The following LIN28B variants were observed in gnomAD, a reference collection of about 807,000 sequenced individuals.
The protein encoded by LIN28B is lin-28 RNA binding posttranscriptional regulator B.
In LIN28B, 5 loss-of-function variants were observed where a neutral mutation model predicts 21.9. That is an observed-to-expected ratio of 0.23 (90% CI 0.12 to 0.48). The LOEUF is 0.48. Ranked by LOEUF, LIN28B falls within the 20% of genes least tolerant of loss-of-function variation. The pLI is 0.98. For missense variants in LIN28B, 245 were observed against 310.5 expected (o/e 0.79, Z 1.58); for synonymous variants, 109 against 111.3 (o/e 0.98, Z 0.13).
chr6:105,022,459 G>C (rs527639996), intron 2 of LIN28B, among the ~76,000 whole-genome samples: 1 of 152,216 alleles, frequency 6.6e-6, no homozygotes, highest in South Asian at 2.1e-4. Flanking sequence ...AATATAATTG[G>C]ACAAAAAGAT....
chr6:104,942,901 G>A (rs1473697108), intron 2 of LIN28B, among the ~76,000 whole-genome samples: 2 of 73,310 alleles, frequency 2.7e-5, no homozygotes, highest in Non-Finnish European at 5.4e-5. Flanking sequence ...CTTTATAGGT[G>A]CTTCTCAATA....
chr6:104,958,736 C>T (rs1291706212), intron 2 of LIN28B, among the ~76,000 whole-genome samples: 1 of 152,166 alleles, frequency 6.6e-6, no homozygotes, highest in Non-Finnish European at 1.5e-5. Flanking sequence ...GTCACAGTAG[C>T]TCCCTTTATT....
At chr6:104,982,566 A>T (rs1159894520) in intron 2 of LIN28B, among the ~76,000 whole-genome samples, 1 of 152,164 alleles carries the variant, frequency 6.6e-6, no homozygotes, top group Non-Finnish European at 1.5e-5. Flanking sequence ...TATGCTGTCA[A>T]TCTCCATGAT....
At chr6:105,006,116 C>G (rs1457839105) in intron 2 of LIN28B, among the ~76,000 whole-genome samples, 1 of 152,042 alleles carries the variant, frequency 6.6e-6, no homozygotes, top group East Asian at 1.9e-4. Flanking sequence ...CTTGGCTGTC[C>G]ATTTTGAAGA....
upstream of LIN28B, among the ~76,000 whole-genome samples, chr6:104,955,125 C>T (rs758011425): frequency 2.0e-5 from 3 of 152,046 alleles, no homozygotes; most frequent in East Asian, 1.9e-4. Flanking sequence ...ATTACTTTCT[C>T]GATTTCATAT....
intron 3 of LIN28B, among the ~76,000 whole-genome samples, chr6:105,039,786 AT>A (rs1441462019): frequency 6.6e-6 from 1 of 151,880 alleles, no homozygotes; most frequent in African/African-American, 2.4e-5. Context: ...TTTTGAATGA[AT>A]TTTTTTTCTT....
chr6:104,973,951 A>G (rs1344771387), intron 2 of LIN28B, among the ~76,000 whole-genome samples: 1 of 152,206 alleles, frequency 6.6e-6, no homozygotes, highest in Non-Finnish European at 1.5e-5. Flanking sequence ...ACTTATTGAT[A>G]TTACCTGAAT....
chr6:105,036,296 T>C (rs1771520258), intron 3 of LIN28B, among the ~76,000 whole-genome samples: 1 of 152,200 alleles, frequency 6.6e-6, no homozygotes, highest in Non-Finnish European at 1.5e-5. Flanking sequence ...GTTGAATAAC[T>C]AAACTATTGC....
intron 3 of LIN28B, among the ~76,000 whole-genome samples, chr6:105,076,833 T>G (rs2114424655): frequency 6.6e-6 from 1 of 152,096 alleles, no homozygotes; most frequent in South Asian, 2.1e-4. Context: ...CTGGATCTCC[T>G]GACCTCATAA....
chr6:105,056,266 T>G (rs1772022223), intron 3 of LIN28B, among the ~76,000 whole-genome samples: 1 of 151,842 alleles, frequency 6.6e-6, no homozygotes, highest in Admixed American at 6.6e-5. Context: ...TAGTAATTTT[T>G]TTATTGTATG....
At chr6:105,038,211 G>T (rs1312406973) in intron 3 of LIN28B, among the ~76,000 whole-genome samples, 1 of 152,220 alleles carries the variant, frequency 6.6e-6, no homozygotes, top group Non-Finnish European at 1.5e-5. Flanking sequence ...TATACGTTAT[G>T]TGGGAGTTGC....
At position 105,053,268 on chromosome 6, in the gene LIN28B, C is replaced by T. The variant is rs955341201; in HGVS notation, c.384-25146C>T. 2.9e-4 allele frequency among the ~76,000 whole-genome samples: 44 copies of T among 152,194 alleles called. No homozygotes were observed. In the Middle Eastern group the frequency reaches 0.014, roughly 47 times the overall value. On this transcript the variant is annotated intron_variant, in intron 3 of 3. Coordinates refer to ENST00000345080, the MANE Select transcript of LIN28B (RefSeq NM_001004317.4). ...GTCCCAAGATAGGTTCTATCCTAGACAGTGGCTCATGTGCACCTGAAAAGA... is the reference window on the plus strand; with the variant it reads ...GTCCCAAGATAGGTTCTATCCTAGATAGTGGCTCATGTGCACCTGAAAAGA...
chr6:105,059,036 G>A (rs9377686), intron 3 of LIN28B, among the ~76,000 whole-genome samples: 186 of 152,020 alleles, frequency 1.2e-3, no homozygotes, highest in African/African-American at 3.8e-3. Context: ...TGATACTGGC[G>A]CTATGGTTTA....
intron 2 of LIN28B, among the ~76,000 whole-genome samples, chr6:104,978,383 T>C (rs1770151583): frequency 6.6e-6 from 1 of 152,178 alleles, no homozygotes; most frequent in African/African-American, 2.4e-5. Flanking sequence ...AGTAGAGGCC[T>C]TGAAATGGGA....
intron 3 of LIN28B, among the ~76,000 whole-genome samples, chr6:105,038,656 G>T (rs1771573364): frequency 6.6e-6 from 1 of 152,140 alleles, no homozygotes; most frequent in African/African-American, 2.4e-5. Context: ...TAACCAAACT[G>T]ACATTTCAAT....
chr6:104,961,409 T>G (rs1278866166), intron 2 of LIN28B, among the ~76,000 whole-genome samples: 1 of 149,964 alleles, frequency 6.7e-6, no homozygotes, highest in Non-Finnish European at 1.5e-5. Flanking sequence ...AATTCTTTTA[T>G]TTTTTTTTTG....
intron 3 of LIN28B, among the ~76,000 whole-genome samples, chr6:105,046,735 T>A (rs1308524740): frequency 1.3e-5 from 2 of 152,186 alleles, no homozygotes; most frequent in Non-Finnish European, 2.9e-5. Context: ...GGTATCTCAT[T>A]GTGGTTTTGA....
intron 3 of LIN28B, among the ~76,000 whole-genome samples, chr6:105,054,845 CTTT>C (rs11392418): frequency 4.4e-5 from 6 of 137,388 alleles, no homozygotes; most frequent in Admixed American, 7.3e-5. Flanking sequence ...ACCTGAACAA[CTTT>C]TTTTTTTTTT....
intron 2 of LIN28B, among the ~76,000 whole-genome samples, chr6:105,024,879 C>T (rs891455786): frequency 6.6e-6 from 1 of 152,168 alleles, no homozygotes; most frequent in Non-Finnish European, 1.5e-5. Flanking sequence ...TAAGTATGTT[C>T]GTCATCTGTA....
Sources: allele counts gnomAD v4.1 joint callset (sites outside exome capture counted in the v4.1 genomes callset), GRCh38; gene constraint gnomAD v4.1.1; transcripts MANE v1.5; gene names NCBI Gene and HGNC (gene_info 2026-07-23, HGNC 2026-07-21).